REPS1: variants seen among roughly 807,000 people sequenced by gnomAD.
REPS1 encodes the protein RALBP1 associated Eps domain containing 1, also known as ralBP1-associated Eps domain-containing protein 1.
A neutral mutation model predicts 100.9 loss-of-function variants in REPS1; 39 were observed. The ratio of observed to expected loss-of-function variants is 0.39; its 90% CI spans 0.30 to 0.50. The LOEUF is 0.50. REPS1 is among the 20% of genes least tolerant of loss of function. The pLI is 0.86. For missense variants in REPS1, 821 were observed against 968.5 expected (o/e 0.85, Z 2.02); for synonymous variants, 324 against 340.3 (o/e 0.95, Z 0.53).
At chr6:138,909,352 T>TA (rs760316293) in intron 17 of REPS1, among the ~76,000 whole-genome samples, 3 of 152,182 alleles carry the variant, frequency 2.0e-5, no homozygotes, top group Non-Finnish European at 4.4e-5. Flanking sequence ...CTTGGCAGAA[T>TA]AAAAAACAGC....
intron 6 of REPS1, 113 bp downstream of exon 6, chr6:138,943,740 T>G (rs1782421132): frequency 9.2e-7 from 1 of 1,082,550 alleles, no homozygotes; most frequent in African/African-American, 1.6e-5. Context: ...AGACAAATAA[T>G]CTGATAATTA....
chr6:138,945,668 C>A lies in REPS1; in HGVS notation c.307G>T (p.Ala103Ser). The A allele has an allele frequency of 6.2e-7, 1 of 1,607,450 alleles. No homozygotes were observed. Among genetic ancestry groups the A allele is most frequent in the Non-Finnish European group, 8.5e-7 (1 of 1,177,634 alleles). ...VKDLPLPRFVASKNEQESRHA... is the reference protein window; with the variant it reads ...VKDLPLPRFVSSKNEQESRHA... ...CGAGATTCCTGTTCATTCTTTGAAGCAACAAATCTTGGCAGAGGAAGGTCC... is the reference window on the plus strand; with the variant it reads ...CGAGATTCCTGTTCATTCTTTGAAGAAACAAATCTTGGCAGAGGAAGGTCC... The change falls in exon 3 of 20, where the codon GCT (alanine) becomes TCT (serine). Residue 103 changes from alanine to serine, a missense_variant. Ala to Ser is a moderately conservative substitution (Grantham distance 99). This residue lies in a region of REPS1 where 757 missense variants were observed against 866.4 expected (regional missense o/e 0.87). Transcript: ENST00000450536.
chr6:138,942,166 A>G (rs1183167458), intron 7 of REPS1, among the ~76,000 whole-genome samples: 1 of 152,104 alleles, frequency 6.6e-6, no homozygotes, highest in Non-Finnish European at 1.5e-5. Context: ...ACTTTAAATC[A>G]CTAAGTAGAA....
At chr6:138,947,035 G>GCTCTCGCTCT (rs1782663755) in intron 2 of REPS1, among the ~76,000 whole-genome samples, 1 of 137,636 alleles carries the variant, frequency 7.3e-6, no homozygotes, top group Non-Finnish European at 1.5e-5. Flanking sequence ...ATTCCCCCTT[G>GCTCTCGCTCT]CTCTCTCTCT....
intron 8 of REPS1, among the ~76,000 whole-genome samples, chr6:138,931,745 C>G (rs571531250): frequency 2.0e-5 from 3 of 151,320 alleles, no homozygotes; most frequent in Non-Finnish European, 4.4e-5. Flanking sequence ...GTAGCAAATT[C>G]CTCATTGGAT....
chr6:138,963,679 G>T (rs1562558504), intron 1 of REPS1, among the ~76,000 whole-genome samples: 1 of 152,136 alleles, frequency 6.6e-6, no homozygotes, highest in Non-Finnish European at 1.5e-5. Flanking sequence ...TGTTAGAAAA[G>T]TTCAAGGAAA....
intron 8 of REPS1, among the ~76,000 whole-genome samples, chr6:138,937,146 T>C (rs1232405977): frequency 6.6e-6 from 1 of 152,124 alleles, no homozygotes; most frequent in Non-Finnish European, 1.5e-5. Flanking sequence ...CTCATGAGAC[T>C]ATTTACTATC....
Position 138,945,212 on chromosome 6 carries a change from T to C in REPS1, c.628+7A>G, listed in dbSNP as rs752225732. 6.3e-7 allele frequency: 1 copy of C among 1,599,980 alleles called. No individual in the cohort carries two copies. The highest frequency in any genetic ancestry group is 8.5e-7 in the Non-Finnish European group (1 of 1,174,150). On this transcript the variant is annotated splice_region_variant and intron_variant, in intron 4 of 19. Coordinates refer to ENST00000450536, the MANE Select transcript of REPS1 (RefSeq NM_001286611.2). ...AATGACACTCTAATCAATCAATCTC[T>C]AAATACCTGATTGTGCTTCACCAAA...
chr6:138,943,380 G>T (rs1181394787), intron 7 of REPS1, 133 bp downstream of exon 7: 1 of 528,386 alleles, frequency 1.9e-6, no homozygotes, highest in East Asian at 2.8e-5. Context: ...GCTGGCTATT[G>T]TAAGGCAATA....
Position 138,987,541 on chromosome 6 carries a change from C to T in REPS1, c.142G>A (p.Val48Met). The change falls in exon 1 of 20, where the codon GTG (valine) becomes ATG (methionine). Residue 48 changes from valine (V) to methionine (M), a missense_variant. Physicochemically the swap from Val to Met is conservative, Grantham distance 21 (BLOSUM62 1). Transcript: ENST00000450536. The stretch of plus-strand genomic sequence containing the variant: ...GGACGCGACGTTACCTGTAGGACCA[C>T]GTCGTTCGGCAGCTGCGCGGCCCGG... ...LFRAAQLPNDVVLQIMELCGA... is the reference protein window; with the variant it reads ...LFRAAQLPNDMVLQIMELCGA... 1 of 1,549,680 alleles carries T rather than the reference C, an allele frequency of 6.5e-7. No individual in the cohort carries two copies. The highest frequency in any genetic ancestry group is 8.7e-7 in the Non-Finnish European group (1 of 1,146,284).
chr6:138,973,024 A>T (rs1320927549), intron 1 of REPS1, among the ~76,000 whole-genome samples: 2 of 152,216 alleles, frequency 1.3e-5, no homozygotes, highest in Non-Finnish European at 2.9e-5. Flanking sequence ...ACAAAGTGAT[A>T]ATAAAGGAAA....
At position 138,922,696 on chromosome 6, in the gene REPS1, G is replaced by A. The variant is rs374231462; in HGVS notation, c.1339-1572C>T. ...ACCAAGGGGGCCCAGCTCCTTCTATGAGGGGTCAGTTCACACTCTGTATAT... is the reference window on the plus strand; with the variant it reads ...ACCAAGGGGGCCCAGCTCCTTCTATAAGGGGTCAGTTCACACTCTGTATAT... On this transcript the variant is annotated intron_variant, in intron 10 of 19. Coordinates refer to ENST00000450536, the MANE Select transcript of REPS1 (RefSeq NM_001286611.2). Among the ~76,000 whole-genome samples the A allele has an allele frequency of 1.1e-4, 16 of 152,278 alleles. No individual in the cohort carries two copies. In the South Asian group the frequency reaches 1.2e-3, roughly 12 times the overall value.
intron 15 of REPS1, among the ~76,000 whole-genome samples, chr6:138,914,420 A>G (rs1376748694): frequency 2.0e-5 from 3 of 152,126 alleles, no homozygotes; most frequent in Admixed American, 1.3e-4. Flanking sequence ...ACATTAATGG[A>G]TATTTCCTAT....
chr6:138,987,931 T>C lies in REPS1; in HGVS notation c.-249A>G, dbSNP rs1159955462. The C allele has an allele frequency of 5.3e-6, 2 of 374,582 alleles. No individual in the cohort carries two copies. The highest frequency in any genetic ancestry group is 8.1e-5 in the East Asian group (2 of 24,542). The allele number at this position is 374,582 out of a possible 1,614,324, so 23.2% of individuals were successfully genotyped here. A position where few individuals can be genotyped will look rare whatever the true frequency, so the allele number is the denominator to read the frequency against. On this transcript the variant is annotated 5_prime_UTR_variant, in exon 1 of 20. Transcript: ENST00000450536. ...GCGCGGCTGCGGCTGCGGCTGCGAC[T>C]ACGGCTCCGGCTCCGGCTCCGGCTC...
intron 9 of REPS1, chr6:138,928,823 C>G (rs926480001): frequency 6.6e-5 from 10 of 152,014 alleles, no homozygotes; most frequent in Non-Finnish European, 7.4e-5. Context: ...TTCCATAAAC[C>G]CTCTCTATTA....
In REPS1 at chr6:138,947,975, C is replaced by G. The variant is rs536341991; in HGVS notation, c.154-62G>C. On this transcript the variant is annotated intron_variant, in intron 1 of 19. Transcript: ENST00000450536. Reference sequence around the variant, plus strand: ...ACAAAAATCTCCCTTCAAAAATAAGCAGCTACCCAACTTGTTTGTAACGTC... The same window carrying G: ...ACAAAAATCTCCCTTCAAAAATAAGGAGCTACCCAACTTGTTTGTAACGTC... 15 of 1,460,408 alleles carry G rather than the reference C, an allele frequency of 1.0e-5. No individual in the cohort carries two copies. In the African/African-American group the frequency reaches 2.0e-4, roughly 19 times the overall value. The allele number at this position is 1,460,408 out of a possible 1,614,324, so 90.5% of individuals were successfully genotyped here.
chr6:138,908,470 T>C, intron 18 of REPS1, among the ~76,000 whole-genome samples, 198 bp downstream of exon 18: 1 of 152,152 alleles, frequency 6.6e-6, no homozygotes. Flanking sequence ...AATTTTTTTG[T>C]ATTTTTAGCA....
chr6:138,971,982 A>C (rs926929110), intron 1 of REPS1, among the ~76,000 whole-genome samples: 1 of 152,246 alleles, frequency 6.6e-6, no homozygotes, highest in Admixed American at 6.5e-5. Flanking sequence ...CTGCACATCA[A>C]GAAAGAAAAG....
chr6:138,956,552 C>T (rs1193803207), intron 1 of REPS1, among the ~76,000 whole-genome samples: 1 of 149,294 alleles, frequency 6.7e-6, no homozygotes, highest in East Asian at 2.1e-4. Flanking sequence ...ATAGACTTTG[C>T]TGTTGCCCCT....
Sources: gnomAD v4.1 joint callset for allele counts (sites outside exome capture counted in the v4.1 genomes callset) on GRCh38, gnomAD v4.1.1 for gene constraint, gnomAD v4.1.1 regional missense constraint, MANE v1.5 for transcripts, NCBI Gene and HGNC (gene_info 2026-07-23, HGNC 2026-07-21) for gene names.